NXN: variants seen among roughly 807,000 people sequenced by gnomAD.
NXN encodes the protein nucleoredoxin.
A neutral mutation model predicts 48.6 loss-of-function variants in NXN; 16 were observed. That is an observed-to-expected ratio of 0.33 (90% CI 0.22 to 0.50). The LOEUF is 0.50. NXN is among the 20% of genes least tolerant of loss of function. NXN has a pLI of 0.98. For synonymous variants in NXN, 281 were observed against 269.6 expected (o/e 1.04, Z -0.41); for missense variants, 492 against 605.5 (o/e 0.81, Z 1.97).
chr17:950,926 G>A (rs1188822369), intron 1 of NXN, among the ~76,000 whole-genome samples: 1 of 100,208 alleles, frequency 1.0e-5, no homozygotes, highest in African/African-American at 4.6e-5. Context: ...TACTTTAGGA[G>A]CTACTGCTGT....
chr17:868,574 C>T (rs2068117801), intron 1 of NXN, among the ~76,000 whole-genome samples: 3 of 152,186 alleles, frequency 2.0e-5, no homozygotes, highest in South Asian at 2.1e-4. Context: ...TTACTGCAAC[C>T]TCCGCCTCCC....
Position 805,189 on chromosome 17 carries a change from C to T in NXN, c.879G>A (p.Arg293=), listed in dbSNP as rs149006758. The change falls in exon 6 of 8, where the codon CGG becomes CGA. Residue 293 remains arginine, a synonymous_variant. Transcript: ENST00000336868. ...AGTCCTCGTCGTTCAGCACCTCCACCCGCCCCTGCCGCGTGATCACCTCGC... is the reference window on the plus strand; with the variant it reads ...AGTCCTCGTCGTTCAGCACCTCCACTCGCCCCTGCCGCGTGATCACCTCGC... ...PQGEVITRQG[R]VEVLNDEDCR... 8 of 1,610,850 alleles carry T rather than the reference C, an allele frequency of 5.0e-6. No individual in the cohort carries two copies. The African/African-American group carries it at 1.1e-4, about 22-fold the overall frequency.
At chr17:942,594 A>ATC (rs1457453943) in intron 1 of NXN, among the ~76,000 whole-genome samples, 14 of 52,932 alleles carry the variant, frequency 2.6e-4, no homozygotes, top group Admixed American at 5.5e-4. Flanking sequence ...GAATTCACCA[A>ATC]ACACCTTCCT....
At chr17:922,011 A>C (rs1021629611) in intron 1 of NXN, among the ~76,000 whole-genome samples, 11 of 152,204 alleles carry the variant, frequency 7.2e-5, no homozygotes, top group African/African-American at 2.4e-4. Flanking sequence ...ATCGCTGTCA[A>C]CCCAGCTCCC....
chr17:857,101 AG>A (rs2067993723), intron 1 of NXN, among the ~76,000 whole-genome samples: 1 of 152,178 alleles, frequency 6.6e-6, no homozygotes, highest in Non-Finnish European at 1.5e-5. Flanking sequence ...TGTGTGGCTT[AG>A]GAACACAAAA....
At chr17:867,114 C>T (rs1474901799) in intron 1 of NXN, among the ~76,000 whole-genome samples, 2 of 49,206 alleles carry the variant, frequency 4.1e-5, no homozygotes, top group Non-Finnish European at 7.8e-5. Flanking sequence ...CGGGGTTCTC[C>T]GGGGAATCCT....
intron 1 of NXN, among the ~76,000 whole-genome samples, chr17:962,090 C>G (rs367663490): frequency 1.3e-5 from 2 of 151,996 alleles, no homozygotes; most frequent in Non-Finnish European, 1.5e-5. Flanking sequence ...GCCGAGATCG[C>G]GCCACTGCAC....
intron 1 of NXN, among the ~76,000 whole-genome samples, chr17:908,410 C>G (rs567598801): frequency 1.2e-4 from 19 of 152,012 alleles, no homozygotes; most frequent in Non-Finnish European, 1.0e-4. Context: ...TTGGTGGGAG[C>G]CTGTAATCCC....
At chr17:891,215 C>G (rs1035848739) in intron 1 of NXN, among the ~76,000 whole-genome samples, 5 of 152,184 alleles carry the variant, frequency 3.3e-5, no homozygotes, top group African/African-American at 9.7e-5. Context: ...GCTGGGACCA[C>G]AGCTGTGTGC....
At chr17:945,842 G>A (rs1597264304) in intron 1 of NXN, among the ~76,000 whole-genome samples, 1 of 152,086 alleles carries the variant, frequency 6.6e-6, no homozygotes, top group Non-Finnish European at 1.5e-5. Flanking sequence ...TCACAGAAGT[G>A]CTGATCGTTC....
At chr17:911,555 T>C (rs1475434765) in intron 1 of NXN, among the ~76,000 whole-genome samples, 1 of 151,980 alleles carries the variant, frequency 6.6e-6, no homozygotes, top group East Asian at 1.9e-4. Flanking sequence ...GGTCTCGATC[T>C]CCTGACCTTG....
In NXN at chr17:811,322, C is replaced by T. The variant is rs1000761124; in HGVS notation, c.821-6075G>A. ...AGCCAAACCAGACAGGGCCCCTGGC[C>T]TAAGAGAGAAGGGGCTGTAAACCTC... On this transcript the variant is annotated intron_variant, in intron 5 of 7. Transcript: ENST00000336868. 2.0e-5 allele frequency among the ~76,000 whole-genome samples: 3 copies of T among 152,212 alleles called. No individual in the cohort carries two copies. The East Asian group carries it at 5.8e-4, about 29-fold the overall frequency.
intron 1 of NXN, among the ~76,000 whole-genome samples, chr17:838,436 CAG>C (rs1243188921): frequency 6.6e-6 from 1 of 152,038 alleles, no homozygotes; most frequent in Non-Finnish European, 1.5e-5. Context: ...CCGGCCATAA[CAG>C]TGAATTTTCT....
At chr17:895,582 G>C (rs112152186) in intron 1 of NXN, among the ~76,000 whole-genome samples, 1 of 151,174 alleles carries the variant, frequency 6.6e-6, no homozygotes, top group Non-Finnish European at 1.5e-5. Context: ...GGAGGTCGAG[G>C]TGGGCGGATC....
At chr17:846,294 T>C (rs1298468531) in intron 1 of NXN, among the ~76,000 whole-genome samples, 1 of 150,612 alleles carries the variant, frequency 6.6e-6, no homozygotes, top group South Asian at 2.1e-4. Context: ...GGTGGGCGCC[T>C]GTAATCCCAG....
At chr17:806,921 TACACACAC>T (rs5818767) in intron 5 of NXN, among the ~76,000 whole-genome samples, 45 of 148,294 alleles carry the variant, frequency 3.0e-4, no homozygotes, top group African/African-American at 6.8e-4. Context: ...CACACTCACA[TACACACAC>T]ACACACACAC....
intron 5 of NXN, among the ~76,000 whole-genome samples, chr17:813,435 G>A (rs1912282682): frequency 6.6e-6 from 1 of 152,226 alleles, no homozygotes; most frequent in Admixed American, 6.5e-5. Context: ...TAGGGCCATC[G>A]ACGCGGACGG....
intron 1 of NXN, among the ~76,000 whole-genome samples, chr17:892,003 G>T (rs57853996): frequency 3.2e-4 from 2 of 6,198 alleles, no homozygotes; most frequent in African/African-American, 1.7e-3. Flanking sequence ...CATGCACAAC[G>T]CAACAGGGAA....
intron 5 of NXN, among the ~76,000 whole-genome samples, chr17:814,904 T>C (rs1253291146): frequency 6.6e-6 from 1 of 152,184 alleles, no homozygotes; most frequent in Non-Finnish European, 1.5e-5. Context: ...TAGCTGGGAT[T>C]ATAGGTGACC....
Sources: gnomAD v4.1 joint callset for allele counts (sites outside exome capture counted in the v4.1 genomes callset) on GRCh38, gnomAD v4.1.1 for gene constraint, MANE v1.5 for transcripts, NCBI Gene and HGNC (gene_info 2026-07-23, HGNC 2026-07-21) for gene names.